PRR16: variants seen among roughly 807,000 people sequenced by gnomAD.
PRR16 encodes the protein proline rich 16.
A neutral mutation model predicts 18.2 loss-of-function variants in PRR16; 6 were observed. The observed-to-expected ratio is 0.33, with a 90% CI of 0.18 to 0.65. The LOEUF (loss-of-function observed/expected upper bound fraction) is 0.65, where lower values mean the gene tolerates loss of function less well. PRR16 is among the 30% of genes least tolerant of loss of function. The probability of loss-of-function intolerance (pLI) is 0.74; values close to 1 mark genes in which losing one functional copy is unlikely to be tolerated. For missense variants in PRR16, 412 were observed against 376.6 expected (o/e 1.09, Z -0.78); for synonymous variants, 151 against 147.8 (o/e 1.02, Z -0.16).
intron 1 of PRR16, among the ~76,000 whole-genome samples, chr5:120,557,606 T>C (rs1179169881): frequency 1.3e-5 from 2 of 151,894 alleles, no homozygotes; most frequent in Non-Finnish European, 2.9e-5. Context: ...TCTGGGCAAC[T>C]CTTTGGTAGT....
intron 1 of PRR16, among the ~76,000 whole-genome samples, chr5:120,677,313 G>A (rs906336790): frequency 9.2e-5 from 14 of 152,054 alleles, no homozygotes; most frequent in South Asian, 2.1e-4. Context: ...TTCCTGCCTC[G>A]CCTCTGTTAG....
At chr5:120,570,633 A>C (rs113157372) in intron 1 of PRR16, among the ~76,000 whole-genome samples, 2 of 152,154 alleles carry the variant, frequency 1.3e-5, no homozygotes, top group African/African-American at 4.8e-5. Context: ...CATAATGGCA[A>C]ATCTGAAAAC....
the PRR16 span, among the ~76,000 whole-genome samples, chr5:120,708,817 T>A: frequency 2.1e-4 from 32 of 152,076 alleles, 1 homozygote; most frequent in South Asian, 1.0e-3. Context: ...ATCAAACGCA[T>A]TTAGTTTAAA....
At chr5:120,561,748 T>G (rs1431043997) in intron 1 of PRR16, among the ~76,000 whole-genome samples, 1 of 152,172 alleles carries the variant, frequency 6.6e-6, no homozygotes, top group Non-Finnish European at 1.5e-5. Context: ...TCCCATACTA[T>G]TCTCATGATA....
At chr5:120,681,763 C>G (rs1314332920) in intron 1 of PRR16, among the ~76,000 whole-genome samples, 1 of 152,128 alleles carries the variant, frequency 6.6e-6, no homozygotes, top group African/African-American at 2.4e-5. Context: ...CAGTATGAAC[C>G]TATTCCTAAA....
At chr5:120,640,605 G>A (rs1178591527) in intron 1 of PRR16, among the ~76,000 whole-genome samples, 2 of 152,094 alleles carry the variant, frequency 1.3e-5, no homozygotes, top group Admixed American at 1.3e-4. Context: ...TAGGCTGGTT[G>A]CATGTACTTG....
chr5:120,638,008 G>A (rs1755297821), intron 1 of PRR16, among the ~76,000 whole-genome samples: 1 of 152,028 alleles, frequency 6.6e-6, no homozygotes, highest in Non-Finnish European at 1.5e-5. Flanking sequence ...TGGAATATTT[G>A]TATTTACTTA....
At chr5:120,609,516 C>T (rs924375637) in intron 1 of PRR16, among the ~76,000 whole-genome samples, 2 of 152,072 alleles carry the variant, frequency 1.3e-5, no homozygotes, top group Non-Finnish European at 2.9e-5. Flanking sequence ...CAGAAATGAT[C>T]TCAAGATGAA....
intron 1 of PRR16, among the ~76,000 whole-genome samples, chr5:120,680,571 T>C (rs937994217): frequency 1.1e-4 from 16 of 152,190 alleles, no homozygotes; most frequent in African/African-American, 3.9e-4. Context: ...GCTGTGTTCC[T>C]AGTAGAATTG....
chr5:120,727,763 A>C, the PRR16 span, among the ~76,000 whole-genome samples: 7 of 152,114 alleles, frequency 4.6e-5, no homozygotes, highest in Admixed American at 1.3e-4. Flanking sequence ...TAGATATGTT[A>C]GATATCTAAA....
chr5:120,572,720 T>A (rs1039790114), intron 1 of PRR16, among the ~76,000 whole-genome samples: 5 of 152,088 alleles, frequency 3.3e-5, no homozygotes, highest in African/African-American at 1.2e-4. Flanking sequence ...TAATTACAGA[T>A]TCAAGAAGGA....
the PRR16 span, among the ~76,000 whole-genome samples, chr5:120,766,339 TTTTTCTTAA>T: frequency 6.6e-6 from 1 of 151,964 alleles, no homozygotes; most frequent in South Asian, 2.1e-4. Flanking sequence ...TTCATTTTTC[TTTTTCTTAA>T]TAAAGTTAAG....
At chr5:120,652,343 G>A (rs1036113338) in intron 1 of PRR16, among the ~76,000 whole-genome samples, 2 of 152,052 alleles carry the variant, frequency 1.3e-5, no homozygotes, top group South Asian at 2.1e-4. Context: ...ATACTTTGGA[G>A]TCATATAAGC....
the PRR16 span, among the ~76,000 whole-genome samples, chr5:120,716,897 AC>A: frequency 1.3e-5 from 2 of 152,010 alleles, no homozygotes; most frequent in African/African-American, 4.8e-5. Flanking sequence ...AATAAAACAA[AC>A]AAAAATCATG....
rs139958683 is a variant in PRR16, at chr5:120,483,893, A to T, written c.159+19248A>T. On this transcript the variant is annotated intron_variant, in intron 1 of 1. Coordinates refer to ENST00000407149, the MANE Select transcript of PRR16 (RefSeq NM_001300783.2). ...AATTTGCATGAAGATCATGCACTCA[A>T]ACAAACTTACTTTATTTCATTCAGT... Among the ~76,000 whole-genome samples, 561 of 152,166 alleles carry T rather than the reference A, an allele frequency of 3.7e-3. 2 individuals are homozygous for T. Among genetic ancestry groups the T allele is most frequent in the Non-Finnish European group, 6.6e-3 (446 of 67,948 alleles).
chr5:120,501,333 A>G (rs534814136), intron 1 of PRR16, among the ~76,000 whole-genome samples: 18 of 152,232 alleles, frequency 1.2e-4, no homozygotes, highest in Non-Finnish European at 2.4e-4. Flanking sequence ...AAGAGGGAGT[A>G]TATCCATCAA....
intron 1 of PRR16, among the ~76,000 whole-genome samples, chr5:120,506,290 A>T (rs1295383146): frequency 1.3e-5 from 2 of 152,110 alleles, no homozygotes; most frequent in South Asian, 2.1e-4. Context: ...TAAGGAAAAG[A>T]TAAATACAAT....
At chr5:120,668,162 G>A (rs1300488569) in intron 1 of PRR16, among the ~76,000 whole-genome samples, 1 of 151,416 alleles carries the variant, frequency 6.6e-6, no homozygotes, top group African/African-American at 2.4e-5. Flanking sequence ...TATATATTTA[G>A]GATAGTTAGC....
At chr5:120,641,869 G>A (rs1202682890) in intron 1 of PRR16, among the ~76,000 whole-genome samples, 1 of 152,004 alleles carries the variant, frequency 6.6e-6, no homozygotes, top group Non-Finnish European at 1.5e-5. Context: ...GATGTCCTTA[G>A]GACTTCAAAT....
Sources: gnomAD v4.1 joint callset for allele counts (sites outside exome capture counted in the v4.1 genomes callset) on GRCh38, gnomAD v4.1.1 for gene constraint, MANE v1.5 for transcripts, NCBI Gene and HGNC (gene_info 2026-07-23, HGNC 2026-07-21) for gene names.